The following CEP72 variants were observed in gnomAD, a reference collection of about 807,000 sequenced individuals.
CEP72 encodes centrosomal protein 72, also known as centrosomal protein of 72 kDa.
A neutral mutation model predicts 65.7 loss-of-function variants in CEP72; 78 were observed. The ratio of observed to expected loss-of-function variants is 1.19; its 90% CI spans 0.99 to 1.43. CEP72 has a LOEUF of 1.43. Ranked by LOEUF, CEP72 falls within the 40% of genes most tolerant of loss-of-function variation. CEP72 has a pLI of 0.00. For synonymous variants in CEP72, 358 were observed against 351.7 expected (o/e 1.02, Z -0.20); for missense variants, 914 against 832.9 (o/e 1.10, Z -1.20).
At chr5:612,590 G>A in intron 1 of CEP72, 147 bp downstream of exon 1, 1 of 1,225,208 alleles carries the variant, frequency 8.2e-7, no homozygotes, top group Non-Finnish European at 1.0e-6. Flanking sequence ...CGAGCGGGGC[G>A]CGCGTGTCCA....
rs4957075 is a variant in CEP72, at chr5:627,014, A to G, written c.512+2435A>G. Among the ~76,000 whole-genome samples the G allele has an allele frequency of 6.0e-3, 911 of 152,274 alleles. 31 individuals are homozygous for G. The highest frequency in any genetic ancestry group is 0.051 in the Admixed American group (781 of 15,294). On this transcript the variant is annotated intron_variant, in intron 4 of 11. Transcript: ENST00000264935. ...GCCTTTGTCTGGTTTTGGTTTTAGGATCATGCTGACCGCATAGAATGAGTT... is the reference window on the plus strand; with the variant it reads ...GCCTTTGTCTGGTTTTGGTTTTAGGGTCATGCTGACCGCATAGAATGAGTT...
downstream of CEP72, among the ~76,000 whole-genome samples, chr5:667,505 G>T (rs72707023): frequency 1.3e-5 from 2 of 152,240 alleles, no homozygotes; most frequent in African/African-American, 4.8e-5. Context: ...GGGGTTAGGC[G>T]AAGATTTCTT....
intron 8 of CEP72, among the ~76,000 whole-genome samples, chr5:640,139 GC>G (rs1737906472): frequency 6.6e-6 from 1 of 152,208 alleles, no homozygotes; most frequent in African/African-American, 2.4e-5. Context: ...GCGAGTTGTG[GC>G]GGCGCCACTG....
intron 11 of CEP72, among the ~76,000 whole-genome samples, chr5:650,758 C>T (rs376366400): frequency 7.0e-5 from 3 of 42,834 alleles, no homozygotes; most frequent in Admixed American, 2.3e-4. Context: ...GACTGTGAGG[C>T]GTGGACTGTG....
At chr5:637,958 T>C in intron 7 of CEP72, 140 bp downstream of exon 7, 1 of 839,178 alleles carries the variant, frequency 1.2e-6, no homozygotes. Context: ...GGCGGTGCCG[T>C]GATTACGCCT....
intron 1 of CEP72, among the ~76,000 whole-genome samples, chr5:616,775 G>A (rs1697950): frequency 0.32 from 49,100 of 151,654 alleles, 9,329 homozygotes; most frequent in Non-Finnish European, 0.41. Flanking sequence ...TGGCTGCTGC[G>A]CAAGGCCAGG....
chr5:654,157 T>C (rs1247837416), downstream of CEP72, among the ~76,000 whole-genome samples: 1 of 148,594 alleles, frequency 6.7e-6, no homozygotes, highest in East Asian at 2.0e-4. Flanking sequence ...TTGCTGTGTG[T>C]GCTCTGTGCG....
rs866958673 is a variant in CEP72 at position 645,448 on chromosome 5, G to A, written c.1666+1023G>A. Among the ~76,000 whole-genome samples the A allele has an allele frequency of 5.4e-5, 8 of 149,104 alleles. No individual in the cohort carries two copies. The East Asian group carries it at 9.8e-4, about 18-fold the overall frequency. On this transcript the variant is annotated intron_variant, in intron 10 of 11. Coordinates refer to ENST00000264935, the MANE Select transcript of CEP72 (RefSeq NM_018140.4). This position sits in a 1 kb window ranked among gnomAD's most constrained non-coding sequence, Gnocchi z 4.0. The stretch of plus-strand genomic sequence containing the variant: ...CGTGTCCATTCAACATCATTTCGTC[G>A]TAAAGGTGATGAGAAAAAAAAAAAA...
chr5:656,409 C>A (rs1414389743), downstream of CEP72, among the ~76,000 whole-genome samples: 1 of 152,210 alleles, frequency 6.6e-6, no homozygotes. Context: ...GTTTTACAAG[C>A]TCTGAACATG....
At chr5:673,515 C>T in the CEP72 span, among the ~76,000 whole-genome samples, 1 of 152,158 alleles carries the variant, frequency 6.6e-6, no homozygotes, top group Non-Finnish European at 1.5e-5. Context: ...AGTCCCAGTC[C>T]TGGCCACCTG....
rs1313633489 is a variant in CEP72, at chr5:644,358, T to C, written c.1599T>C (p.Leu533=). ...SLEENSRLKS[L]LLSMKKEVKS... is the part of the protein sequence containing the mutation. ...AAGAGAACAGTAGGTTAAAATCGCT[T>C]TTGTTGAGTATGAAAAAGGAAGTGA... The change falls in exon 10 of 12, where the codon CTT becomes CTC. Residue 533 remains leucine, a synonymous_variant. Transcript: ENST00000264935. 1 of 1,613,768 alleles carries C rather than the reference T, an allele frequency of 6.2e-7. No individual in the cohort carries two copies. Among genetic ancestry groups the C allele is most frequent in the South Asian group, 1.1e-5 (1 of 91,084 alleles).
chr5:668,932 T>G (rs1021924233), downstream of CEP72, among the ~76,000 whole-genome samples: 3 of 152,172 alleles, frequency 2.0e-5, no homozygotes, highest in Non-Finnish European at 2.9e-5. Context: ...CGCTGGGTGA[T>G]TCCCAGACCC....
In CEP72 at chr5:624,493, C is replaced by A. The variant is rs375775432; in HGVS notation, c.426C>A (p.Ser142Arg). 7 of 1,614,008 alleles carry A rather than the reference C, an allele frequency of 4.3e-6. No individual in the cohort carries two copies. In the East Asian group the frequency reaches 1.3e-4, roughly 31 times the overall value. ...TAGACGATCGCCCCGTGAGAGCAAG[C>A]GAGCGGAAGGCTTCCCGACTGCATT... is the stretch of plus-strand genomic sequence containing the variant. ...QQLDDRPVRA[S>R]ERKASRLHFA... is the part of the protein sequence containing the mutation. Residue 142 changes from serine (S) to arginine (R), a missense_variant, in exon 4 of 12, where the codon AGC becomes AGA. Coordinates refer to ENST00000264935, the MANE Select transcript of CEP72 (RefSeq NM_018140.4). The surrounding 1 kb of genome is among the most constrained non-coding windows in gnomAD (Gnocchi z 4.7).
rs934518598 is a variant in CEP72, at chr5:623,666, G to T, written c.404-805G>T. 3.3e-5 allele frequency among the ~76,000 whole-genome samples: 5 copies of T among 152,094 alleles called. No individual in the cohort carries two copies. Among genetic ancestry groups the T allele is most frequent in the African/African-American group, 1.2e-4 (5 of 41,408 alleles). ...CGGGGTGGAAAGGTTGCGGGAGGGTGGGATTGGGTGCAGGTCTCCTGGCGC... is the reference window on the plus strand; with the variant it reads ...CGGGGTGGAAAGGTTGCGGGAGGGTTGGATTGGGTGCAGGTCTCCTGGCGC... On this transcript the variant is annotated intron_variant, in intron 3 of 11. Transcript: ENST00000264935. This position sits in a 1 kb window ranked among gnomAD's most constrained non-coding sequence, Gnocchi z 5.3.
intron 2 of CEP72, chr5:664,550 C>A (rs927540697): frequency 1.4e-4 from 21 of 155,410 alleles, no homozygotes; most frequent in Non-Finnish European, 2.8e-4. Flanking sequence ...CCCAGCACCC[C>A]CGCCAGGTGG....
At position 645,544 on chromosome 5, in the gene CEP72, C is replaced by T. The variant is rs79771346; in HGVS notation, c.1666+1119C>T. ...CGGCTCTGTGGGCTTTCTCTGGGTG[C>T]GCTGTTTTCCCCCATGCCCCAAAGC... On this transcript the variant is annotated intron_variant, in intron 10 of 11. Coordinates refer to ENST00000264935, the MANE Select transcript of CEP72 (RefSeq NM_018140.4). The surrounding 1 kb of genome is among the most constrained non-coding windows in gnomAD (Gnocchi z 4.0). Among the ~76,000 whole-genome samples, 690 of 151,660 alleles carry T rather than the reference C, an allele frequency of 4.5e-3. 2 individuals are homozygous for T. Among genetic ancestry groups the T allele is most frequent in the Middle Eastern group, 0.035 (10 of 286 alleles).
In CEP72 at chr5:632,745, G is replaced by C. The variant is rs572068637; in HGVS notation, c.513-1024G>C. On this transcript the variant is annotated intron_variant, in intron 4 of 11. Coordinates refer to ENST00000264935, the MANE Select transcript of CEP72 (RefSeq NM_018140.4). ...CAGTGCCGGGATTTGGCCCAGTCCT[G>C]GTGGGGTTCTATCCAGTGCCGGGAT... 1.6e-4 allele frequency among the ~76,000 whole-genome samples: 5 copies of C among 31,908 alleles called. 1 individual carries two copies. The East Asian group carries it at 5.6e-3, about 36-fold the overall frequency. 20.9% of individuals were successfully genotyped at this position (31,908 alleles called of 152,430 possible). A position where few individuals can be genotyped will look rare whatever the true frequency, so the allele number is the denominator to read the frequency against.
chr5:639,115 A>C lies in CEP72; in HGVS notation c.1233A>C (p.Leu411=). The C allele has an allele frequency of 1.2e-6, 2 of 1,613,014 alleles. No individual in the cohort carries two copies. The highest frequency in any genetic ancestry group is 4.5e-5 in the East Asian group (2 of 44,854). ...REPSPGSHSA[L]PGKKTALQAA... ...CGTCTCCCGGGTCACACTCGGCTCTACCCGGGAAGAAGACGGCCCTGCAGG... is the reference window on the plus strand; with the variant it reads ...CGTCTCCCGGGTCACACTCGGCTCTCCCCGGGAAGAAGACGGCCCTGCAGG... The change falls in exon 8 of 12, where the codon CTA becomes CTC. Residue 411 remains leucine (L), a synonymous_variant. Transcript: ENST00000264935.
intron 8 of CEP72, 124 bp from the exon 9 acceptor site, chr5:640,284 C>T (rs1286998825): frequency 7.5e-7 from 1 of 1,335,096 alleles, no homozygotes; most frequent in African/African-American, 1.5e-5. Flanking sequence ...ACCCCTTTCC[C>T]CTCTCCCTAC....
Sources: gnomAD v4.1 joint callset for allele counts (sites outside exome capture counted in the v4.1 genomes callset) on GRCh38, gnomAD v4.1.1 for gene constraint, Gnocchi (gnomAD v3.1) non-coding constraint, MANE v1.5 for transcripts, NCBI Gene and HGNC (gene_info 2026-07-23, HGNC 2026-07-21) for gene names.